The following TAB2 variants were observed in gnomAD, a reference collection of about 807,000 sequenced individuals.
TAB2 encodes the protein TGF-beta activated kinase 1 (MAP3K7) binding protein 2, also known as TGF-beta-activated kinase 1 and MAP3K7-binding protein 2.
TAB2 carries 3 observed loss-of-function variants against 65.0 expected under a neutral mutation model. That is an observed-to-expected ratio of 0.05 (90% CI 0.02 to 0.12). TAB2 has a LOEUF of 0.12. Ranked by LOEUF, TAB2 falls within the 10% of genes least tolerant of loss-of-function variation. The pLI, the probability that TAB2 is intolerant of heterozygous loss-of-function variation, is 1.00. For missense variants in TAB2, 623 were observed against 840.3 expected (o/e 0.74, Z 3.20); for synonymous variants, 298 against 285.1 (o/e 1.05, Z -0.46).
intron 1 of TAB2, chr6:149,257,340 T>G (rs769593741): frequency 6.6e-6 from 1 of 152,194 alleles, no homozygotes; most frequent in Non-Finnish European, 1.5e-5. Flanking sequence ...GGGGAAAAGT[T>G]TCCTCTTCTC....
intron 1 of TAB2, among the ~76,000 whole-genome samples, chr6:149,283,692 A>G (rs992820630): frequency 1.3e-5 from 2 of 152,230 alleles, no homozygotes; most frequent in African/African-American, 4.8e-5. Flanking sequence ...CCCAGGCGAC[A>G]AGAGAGAAAT....
At chr6:149,359,289 T>C (rs1340242426) in intron 1 of TAB2, among the ~76,000 whole-genome samples, 1 of 152,344 alleles carries the variant, frequency 6.6e-6, no homozygotes, top group South Asian at 2.1e-4. Context: ...CTTTTGTTTC[T>C]GCCAGGAATC....
intron 1 of TAB2, among the ~76,000 whole-genome samples, chr6:149,338,580 A>C (rs991613822): frequency 6.6e-6 from 1 of 152,238 alleles, no homozygotes; most frequent in African/African-American, 2.4e-5. Context: ...CATAAGTACA[A>C]TTAAGATGAA....
chr6:149,373,878 C>A (rs915088440), intron 2 of TAB2, among the ~76,000 whole-genome samples: 8 of 152,136 alleles, frequency 5.3e-5, no homozygotes, highest in South Asian at 4.1e-4. Flanking sequence ...ACATGATAAG[C>A]TAGAACATCT....
At chr6:149,336,982 A>C (rs483877) in intron 1 of TAB2, among the ~76,000 whole-genome samples, 132,422 of 151,938 alleles carry the variant, frequency 0.87, 57,779 homozygotes, top group Middle Eastern at 0.97. Flanking sequence ...TTTAGCATTT[A>C]CTTTTAATAA....
rs907807902 is a variant in TAB2 at position 149,293,139 on chromosome 6, C to A, written c.-121+74363C>A. ...TTTGGTTAGAGGGGCCCAATAATGG[C>A]AATACATTAGAAAACTTCTGATTTC... On this transcript the variant is annotated intron_variant, in intron 1 of 1. Coordinates refer to the TAB2 transcript ENST00000606202. Among the ~76,000 whole-genome samples, 21 of 152,030 alleles carry A rather than the reference C, an allele frequency of 1.4e-4. 1 individual carries two copies. Among genetic ancestry groups the A allele is most frequent in the Non-Finnish European group, 2.9e-5 (2 of 68,026 alleles).
chr6:149,245,493 A>G (rs1377728403), intron 1 of TAB2: 3 of 152,090 alleles, frequency 2.0e-5, no homozygotes, highest in Non-Finnish European at 4.4e-5. Context: ...CTTTTGATAT[A>G]TGATTTAAAT....
At chr6:149,379,610 AT>A in intron 3 of TAB2, 92 bp downstream of exon 3, 7 of 1,236,112 alleles carry the variant, frequency 5.7e-6, no homozygotes, top group Non-Finnish European at 8.3e-6. Flanking sequence ...TAGCATTGTT[AT>A]TTCATTGTTT....
intron 1 of TAB2, among the ~76,000 whole-genome samples, chr6:149,256,928 T>C (rs1254394078): frequency 1.4e-4 from 21 of 152,246 alleles, no homozygotes; most frequent in Admixed American, 1.4e-3. Context: ...TTTATCTCTT[T>C]CTTTATAATT....
intron 1 of TAB2, among the ~76,000 whole-genome samples, chr6:149,270,511 A>G (rs951815904): frequency 2.6e-5 from 4 of 152,200 alleles, no homozygotes; most frequent in Non-Finnish European, 5.9e-5. Flanking sequence ...GATTTTAAGT[A>G]TTCTCACCAC....
intron 1 of TAB2, among the ~76,000 whole-genome samples, chr6:149,332,089 G>A (rs1779801803): frequency 6.6e-6 from 1 of 152,136 alleles, no homozygotes; most frequent in Non-Finnish European, 1.5e-5. Flanking sequence ...GCAAGCAATT[G>A]GAAGTATGGA....
chr6:149,270,003 T>C (rs1431420059), intron 1 of TAB2, among the ~76,000 whole-genome samples: 3 of 152,240 alleles, frequency 2.0e-5, no homozygotes, highest in African/African-American at 7.2e-5. Flanking sequence ...CATTTAACTT[T>C]ACAAAAAGCT....
intron 1 of TAB2, among the ~76,000 whole-genome samples, chr6:149,323,250 G>A (rs969970371): frequency 6.6e-6 from 1 of 152,028 alleles, no homozygotes; most frequent in Non-Finnish European, 1.5e-5. Context: ...CTAGCCAAAA[G>A]TTCAAAAAAT....
At chr6:149,253,975 A>G (rs1187926388) in intron 1 of TAB2, among the ~76,000 whole-genome samples, 2 of 109,822 alleles carry the variant, frequency 1.8e-5, no homozygotes, top group Non-Finnish European at 4.2e-5. Context: ...AGAAAGAAAG[A>G]AAGAAAGAAA....
chr6:149,231,465 T>C (rs1777403413), intron 1 of TAB2, among the ~76,000 whole-genome samples: 1 of 152,256 alleles, frequency 6.6e-6, no homozygotes, highest in Non-Finnish European at 1.5e-5. Context: ...GTTTAACAAC[T>C]CTTTGTGGTG....
upstream of TAB2, among the ~76,000 whole-genome samples, chr6:149,316,135 T>C (rs1179924050): frequency 6.6e-6 from 1 of 152,230 alleles, no homozygotes; most frequent in African/African-American, 2.4e-5. Flanking sequence ...AGTTAATGAT[T>C]TCTTCTCGCC....
At chr6:149,307,036 A>G (rs1779085253) in intron 1 of TAB2, among the ~76,000 whole-genome samples, 1 of 152,094 alleles carries the variant, frequency 6.6e-6, no homozygotes, top group African/African-American at 2.4e-5. Context: ...GATTCCTTAC[A>G]ATCACCCCAC....
At chr6:149,383,737 C>T (rs1741428418) in intron 3 of TAB2, among the ~76,000 whole-genome samples, 1 of 152,224 alleles carries the variant, frequency 6.6e-6, no homozygotes, top group African/African-American at 2.4e-5. Flanking sequence ...CACATGCCAC[C>T]ACGCCCAGCT....
chr6:149,287,042 C>T (rs1026929096), intron 1 of TAB2, among the ~76,000 whole-genome samples: 9 of 152,034 alleles, frequency 5.9e-5, no homozygotes, highest in Admixed American at 1.3e-4. Flanking sequence ...ACTTGAACTC[C>T]GGAGGAAGAG....
Sources: gnomAD v4.1 joint callset for allele counts (sites outside exome capture counted in the v4.1 genomes callset) on GRCh38, gnomAD v4.1.1 for gene constraint, MANE v1.5 for transcripts, NCBI Gene and HGNC (gene_info 2026-07-23, HGNC 2026-07-21) for gene names.